DNM3: variants seen among roughly 807,000 people sequenced by gnomAD.
DNM3 encodes dynamin 3.
DNM3 carries 47 observed loss-of-function variants against 101.6 expected under a neutral mutation model. The ratio of observed to expected loss-of-function variants is 0.46; its 90% CI spans 0.37 to 0.59. DNM3 has a LOEUF of 0.59. Ranked by LOEUF, DNM3 falls within the 20% of genes least tolerant of loss-of-function variation. The probability of loss-of-function intolerance (pLI) is 0.00; values close to 1 mark genes in which losing one functional copy is unlikely to be tolerated. For missense variants in DNM3, 849 were observed against 1,085.7 expected (o/e 0.78, Z 3.06); for synonymous variants, 385 against 387.9 (o/e 0.99, Z 0.09).
chr1:171,989,170 TGAG>T, intron 4 of DNM3, 22 bp downstream of exon 4: 2 of 1,603,640 alleles, frequency 1.2e-6, no homozygotes, highest in Non-Finnish European at 1.7e-6. Context: ...ACTACTAAGA[TGAG>T]AAGGAATTAA....
intron 13 of DNM3, among the ~76,000 whole-genome samples, chr1:172,101,700 AT>A (rs2147881130): frequency 6.6e-6 from 1 of 152,300 alleles, no homozygotes; most frequent in Admixed American, 6.5e-5. Flanking sequence ...CAGATCATAA[AT>A]GATAGCACCA....
At chr1:171,847,704 G>A (rs1467830276) in intron 1 of DNM3, among the ~76,000 whole-genome samples, 1 of 152,108 alleles carries the variant, frequency 6.6e-6, no homozygotes, top group Non-Finnish European at 1.5e-5. Flanking sequence ...AGTTAAAGGA[G>A]TAGAATAAGT....
intron 15 of DNM3, among the ~76,000 whole-genome samples, chr1:172,259,167 A>C (rs2062542201): frequency 1.3e-5 from 2 of 152,060 alleles, no homozygotes; most frequent in African/African-American, 2.4e-5. Flanking sequence ...GTGTCCTACT[A>C]TATGGTCTAC....
intron 14 of DNM3, among the ~76,000 whole-genome samples, chr1:172,202,852 G>C (rs558966462): frequency 6.6e-6 from 1 of 152,258 alleles, no homozygotes; most frequent in South Asian, 2.1e-4. Context: ...TACTGCTTGA[G>C]AAAAGGTTGA....
intron 15 of DNM3, among the ~76,000 whole-genome samples, chr1:172,273,299 T>C (rs2063153533): frequency 1.3e-5 from 2 of 152,158 alleles, no homozygotes; most frequent in African/African-American, 4.8e-5. Flanking sequence ...AAAGTTTCTC[T>C]TCAAATCTCC....
intron 13 of DNM3, among the ~76,000 whole-genome samples, chr1:172,119,079 G>A (rs896467146): frequency 6.6e-6 from 1 of 150,604 alleles, no homozygotes; most frequent in African/African-American, 2.4e-5. Context: ...CACAACCTCC[G>A]CCTCCCGGGT....
chr1:172,076,485 A>T (rs1047499033), intron 11 of DNM3, among the ~76,000 whole-genome samples: 13 of 152,138 alleles, frequency 8.5e-5, no homozygotes, highest in Admixed American at 8.5e-4. Flanking sequence ...TTTGAGATAC[A>T]TTCCATCAAT....
chr1:172,206,518 A>C (rs919485076), intron 14 of DNM3, among the ~76,000 whole-genome samples: 1 of 152,120 alleles, frequency 6.6e-6, no homozygotes, highest in African/African-American at 2.4e-5. Context: ...ATTTGCCTAA[A>C]TAATACTGCT....
At position 171,980,151 on chromosome 1, in the gene DNM3, CT is replaced by C. The variant is rs35057661; in HGVS notation, c.236-7491del. ...TTAATTGTTTTCTTCTTTAGATTTC[CT>C]TTTTTTTTTTTTTGATTGCTAGACT... On this transcript the variant is annotated intron_variant, in intron 2 of 20. Coordinates refer to ENST00000627582, the MANE Select transcript of DNM3 (RefSeq NM_015569.5). Among the ~76,000 whole-genome samples, 1,177 of 138,300 alleles carry C rather than the reference CT, an allele frequency of 8.5e-3. 25 individuals carry two copies. Among genetic ancestry groups the C allele is most frequent in the African/African-American group, 0.025 (918 of 37,156 alleles). The allele number at this position is 138,300 out of a possible 152,430, so 90.7% of individuals were successfully genotyped here.
chr1:172,299,943 T>A (rs1199250439), intron 15 of DNM3, among the ~76,000 whole-genome samples: 1 of 152,210 alleles, frequency 6.6e-6, no homozygotes, highest in Non-Finnish European at 1.5e-5. Flanking sequence ...CTGCTTTTAG[T>A]TCTTTGAGAA....
At chr1:172,340,675 T>C (rs2066644991) in intron 17 of DNM3, among the ~76,000 whole-genome samples, 1 of 152,190 alleles carries the variant, frequency 6.6e-6, no homozygotes, top group South Asian at 2.1e-4. Context: ...GACATTTCAG[T>C]TGGGGAAGGG....
intron 20 of DNM3, among the ~76,000 whole-genome samples, chr1:172,405,279 G>T (rs1459053050): frequency 2.0e-5 from 3 of 151,958 alleles, no homozygotes; most frequent in Non-Finnish European, 4.4e-5. Context: ...AAAATATGTG[G>T]TTTCTTTTCT....
rs2059781498 is a variant in DNM3 at position 172,192,728 on chromosome 1, A to T, written c.1660-60845A>T. 2.0e-5 allele frequency among the ~76,000 whole-genome samples: 3 copies of T among 151,952 alleles called. 1 individual carries two copies. The South Asian group carries it at 6.2e-4, about 31-fold the overall frequency. ...AACTCATCATTTTTTATGGCTGCAT[A>T]GTATTCCATGGTGTGTATGTGCCAC... On this transcript the variant is annotated intron_variant, in intron 14 of 20. Coordinates refer to ENST00000627582, the MANE Select transcript of DNM3 (RefSeq NM_015569.5).
chr1:172,273,783 A>G (rs2063172665), intron 15 of DNM3, among the ~76,000 whole-genome samples: 1 of 152,078 alleles, frequency 6.6e-6, no homozygotes, highest in Non-Finnish European at 1.5e-5. Flanking sequence ...GTATTATGAC[A>G]ATGGTTTTGA....
Position 172,042,096 on chromosome 1 carries a change from T to G in DNM3, c.1080T>G (p.Ala360=). ...ATACCCTGGAACTCTCAGGTGGTGCTAAAATCAATCGTATTTTTCATGAAC... is the reference window on the plus strand; with the variant it reads ...ATACCCTGGAACTCTCAGGTGGTGCGAAAATCAATCGTATTTTTCATGAAC... The part of the protein sequence containing the change: ...QVDTLELSGG[A]KINRIFHERF... The change falls in exon 8 of 21, where the codon GCT becomes GCG. Residue 360 remains alanine, a synonymous_variant. Coordinates refer to ENST00000627582, the MANE Select transcript of DNM3 (RefSeq NM_015569.5). The G allele has an allele frequency of 6.2e-7, 1 of 1,610,888 alleles. No individual in the cohort carries two copies. The highest frequency in any genetic ancestry group is 8.5e-7 in the Non-Finnish European group (1 of 1,178,986).
chr1:172,201,544 G>C (rs144743958), intron 14 of DNM3, among the ~76,000 whole-genome samples: 190 of 152,304 alleles, frequency 1.2e-3, no homozygotes, highest in African/African-American at 3.9e-3. Flanking sequence ...CCAAGCCAGG[G>C]GTTCCCTGTG....
chr1:172,016,638 T>C (rs1422723999), intron 4 of DNM3, among the ~76,000 whole-genome samples: 4 of 152,214 alleles, frequency 2.6e-5, no homozygotes, highest in African/African-American at 9.6e-5. Flanking sequence ...TTTCCTCTGA[T>C]TCTAACTTCT....
chr1:172,327,748 A>G (rs1053451510), intron 17 of DNM3, among the ~76,000 whole-genome samples: 1 of 152,112 alleles, frequency 6.6e-6, no homozygotes, highest in Non-Finnish European at 1.5e-5. Context: ...CACCTGGTTG[A>G]CTAAATTTAT....
chr1:172,346,542 A>G lies in DNM3; in HGVS notation c.1893+23202A>G, dbSNP rs551856670. Among the ~76,000 whole-genome samples the G allele has an allele frequency of 5.9e-4, 90 of 152,340 alleles. 1 individual carries two copies. Among genetic ancestry groups the G allele is most frequent in the African/African-American group, 2.1e-3 (89 of 41,572 alleles). The stretch of plus-strand genomic sequence containing the variant: ...GTGAGTAAGTATATTAGGATGTAGG[A>G]CTGACGACTAAGATACTGTTGCAAT... On this transcript the variant is annotated intron_variant, in intron 17 of 20. Coordinates refer to ENST00000627582, the MANE Select transcript of DNM3 (RefSeq NM_015569.5).
Sources: allele counts gnomAD v4.1 joint callset (sites outside exome capture counted in the v4.1 genomes callset), GRCh38; gene constraint gnomAD v4.1.1; transcripts MANE v1.5; gene names NCBI Gene and HGNC (gene_info 2026-07-23, HGNC 2026-07-21).